MAST4: variants seen among roughly 807,000 people sequenced by gnomAD.
MAST4 encodes the protein microtubule-associated serine/threonine-protein kinase 4.
A neutral mutation model predicts 162.7 loss-of-function variants in MAST4; 89 were observed. The observed-to-expected ratio is 0.55, with a 90% CI of 0.46 to 0.65. MAST4 has a LOEUF of 0.65. Ranked by LOEUF, MAST4 falls within the 30% of genes least tolerant of loss-of-function variation. MAST4 has a pLI of 0.00. For missense variants in MAST4, 3,153 were observed against 3,374.0 expected, an observed-to-expected ratio of 0.93 and a Z score of 1.62; for synonymous variants, 1,479 against 1,361.1, an observed-to-expected ratio of 1.09 and a Z score of -1.91.
intron 3 of MAST4, among the ~76,000 whole-genome samples, chr5:66,850,556 C>A (rs562829559): frequency 6.6e-6 from 1 of 152,058 alleles, no homozygotes; most frequent in African/African-American, 2.4e-5. Context: ...TACCTGATCT[C>A]GTGTGTGGAT....
intron 4 of MAST4, among the ~76,000 whole-genome samples, chr5:67,013,063 A>G (rs989749935): frequency 5.9e-5 from 9 of 152,164 alleles, no homozygotes; most frequent in Non-Finnish European, 1.0e-4. Flanking sequence ...AATCCTGGGA[A>G]TTTTTACATT....
intron 4 of MAST4, among the ~76,000 whole-genome samples, chr5:66,929,349 G>A (rs1431822448): frequency 1.3e-5 from 2 of 152,058 alleles, no homozygotes; most frequent in South Asian, 4.2e-4. Flanking sequence ...TTTTTGTTCT[G>A]TCTGGGCCAC....
At chr5:66,806,693 G>C (rs1342563577) in intron 3 of MAST4, among the ~76,000 whole-genome samples, 1 of 152,104 alleles carries the variant, frequency 6.6e-6, no homozygotes, top group Non-Finnish European at 1.5e-5. Context: ...TCTTAAACTG[G>C]AGAAAAATCA....
At chr5:66,754,482 CAATT>C (rs1753402889) in intron 1 of MAST4, among the ~76,000 whole-genome samples, 2 of 152,140 alleles carry the variant, frequency 1.3e-5, no homozygotes, top group African/African-American at 4.8e-5. Flanking sequence ...CCTTGAATAA[CAATT>C]AATATAATTT....
chr5:66,636,842 G>C (rs1170281332), intron 1 of MAST4, among the ~76,000 whole-genome samples: 1 of 152,204 alleles, frequency 6.6e-6, no homozygotes, highest in East Asian at 1.9e-4. Flanking sequence ...TCTTGCTTAA[G>C]AGGATGGTTA....
chr5:66,785,346 AAT>A (rs1171623335), intron 2 of MAST4, among the ~76,000 whole-genome samples: 10 of 152,248 alleles, frequency 6.6e-5, no homozygotes, highest in Admixed American at 6.5e-4. Flanking sequence ...CTTTATAAAT[AAT>A]ATATGTTATT....
intron 4 of MAST4, among the ~76,000 whole-genome samples, chr5:66,914,603 C>T (rs1356335240): frequency 1.3e-5 from 2 of 152,068 alleles, no homozygotes; most frequent in Non-Finnish European, 2.9e-5. Context: ...GAGAGAACCA[C>T]GGGTCCAAAA....
At chr5:67,063,151 C>T (rs1376598088) in intron 5 of MAST4, among the ~76,000 whole-genome samples, 2 of 151,522 alleles carry the variant, frequency 1.3e-5, no homozygotes, top group Admixed American at 6.6e-5. Flanking sequence ...ATGTTCCATG[C>T]TGTACTCACT....
At chr5:66,752,239 A>C (rs1465130269) in intron 1 of MAST4, among the ~76,000 whole-genome samples, 2 of 152,268 alleles carry the variant, frequency 1.3e-5, no homozygotes, top group African/African-American at 4.8e-5. Context: ...GCATCAACTA[A>C]TGAGCAAAAT....
intron 4 of MAST4, among the ~76,000 whole-genome samples, chr5:66,943,908 C>T (rs536030123): frequency 6.6e-6 from 1 of 152,080 alleles, no homozygotes; most frequent in African/African-American, 2.4e-5. Context: ...CACTGGTCTT[C>T]TCTGATGAGT....
At chr5:66,673,287 C>A (rs910282936) in intron 1 of MAST4, among the ~76,000 whole-genome samples, 3 of 152,040 alleles carry the variant, frequency 2.0e-5, no homozygotes, top group African/African-American at 7.2e-5. Flanking sequence ...GATAGAAATT[C>A]TAAAGTTTCG....
At chr5:67,101,961 A>G (rs1765081658) in intron 8 of MAST4, among the ~76,000 whole-genome samples, 1 of 151,080 alleles carries the variant, frequency 6.6e-6, no homozygotes, top group Non-Finnish European at 1.5e-5. Flanking sequence ...AATGCACAAT[A>G]GTTGTATGCC....
intron 3 of MAST4, among the ~76,000 whole-genome samples, chr5:66,886,668 T>C (rs1438731432): frequency 6.7e-6 from 1 of 149,240 alleles, no homozygotes; most frequent in African/African-American, 2.5e-5. Context: ...TCGTTAAGCA[T>C]GCCAATCCAA....
intron 4 of MAST4, among the ~76,000 whole-genome samples, chr5:66,980,570 A>G (rs921675803): frequency 1.3e-5 from 2 of 152,234 alleles, no homozygotes; most frequent in African/African-American, 4.8e-5. Context: ...TCTTTCGTGA[A>G]ATGGCTGATG....
At chr5:66,914,412 GA>G (rs1392359048) in intron 4 of MAST4, among the ~76,000 whole-genome samples, 2 of 152,216 alleles carry the variant, frequency 1.3e-5, no homozygotes, top group African/African-American at 4.8e-5. Context: ...GCCCCTCAGA[GA>G]AGTGCAAGGG....
At position 67,090,033 on chromosome 5, in the gene MAST4, C is replaced by G. The variant is rs541824765; in HGVS notation, c.764-129C>G. Reference sequence around the variant, plus strand: ...CCCACCATCCCTGGTCCAGGTAAAACTAAAGCATTATTGGAGGAAAGGACA... The same window carrying G: ...CCCACCATCCCTGGTCCAGGTAAAAGTAAAGCATTATTGGAGGAAAGGACA... On this transcript the variant is annotated intron_variant, in intron 5 of 28. Transcript: ENST00000403625. 1.0e-5 allele frequency: 6 copies of G among 595,068 alleles called. No individual in the cohort carries two copies. The African/African-American group carries it at 1.1e-4, about 11-fold the overall frequency. The allele number at this position is 595,068 out of a possible 1,614,324, so 36.9% of individuals were successfully genotyped here.
At chr5:66,724,578 G>A (rs1016048994) in intron 1 of MAST4, among the ~76,000 whole-genome samples, 6 of 152,042 alleles carry the variant, frequency 3.9e-5, no homozygotes, top group African/African-American at 9.7e-5. Flanking sequence ...TTGTCATTTC[G>A]CAAACATCAT....
At chr5:66,991,625 C>CA (rs1205644331) in intron 4 of MAST4, among the ~76,000 whole-genome samples, 1 of 152,066 alleles carries the variant, frequency 6.6e-6, no homozygotes, top group East Asian at 1.9e-4. Context: ...GTTTCTGGGA[C>CA]AAAATCACTG....
intron 2 of MAST4, among the ~76,000 whole-genome samples, chr5:66,788,054 T>C (rs1312923403): frequency 1.3e-5 from 2 of 152,168 alleles, no homozygotes; most frequent in African/African-American, 2.4e-5. Flanking sequence ...TATATTAGAG[T>C]TCAAGGTTGA....
Sources: gnomAD v4.1 joint callset for allele counts (sites outside exome capture counted in the v4.1 genomes callset) on GRCh38, gnomAD v4.1.1 for gene constraint, MANE v1.5 for transcripts, NCBI Gene and HGNC (gene_info 2026-07-23, HGNC 2026-07-21) for gene names.